The following EEFSEC variants were observed in gnomAD, a reference collection of about 807,000 sequenced individuals.
EEFSEC encodes selenocysteine-specific elongation factor.
EEFSEC carries 43 observed loss-of-function variants against 42.1 expected under a neutral mutation model. That is an observed-to-expected ratio of 1.02 (90% CI 0.80 to 1.32). EEFSEC has a LOEUF of 1.32. Among genes scored for constraint, EEFSEC ranks in the 40% most tolerant of loss-of-function variants. The probability of loss-of-function intolerance (pLI) is 0.00; values close to 1 mark genes in which losing one functional copy is unlikely to be tolerated. For synonymous variants in EEFSEC, 354 were observed against 339.1 expected (o/e 1.04, Z -0.48); for missense variants, 745 against 803.6 (o/e 0.93, Z 0.88).
the EEFSEC span, among the ~76,000 whole-genome samples, chr3:128,419,290 T>C: frequency 3.0e-3 from 463 of 152,346 alleles, 8 homozygotes; most frequent in African/African-American, 0.011. Context: ...AGTAGTGGTG[T>C]GGACACTGAA....
intron 1 of EEFSEC, among the ~76,000 whole-genome samples, chr3:128,238,449 G>A (rs919471286): frequency 1.1e-4 from 16 of 152,322 alleles, no homozygotes; most frequent in African/African-American, 3.4e-4. Flanking sequence ...TTGTCAGTTT[G>A]CAACCAGTGA....
At chr3:128,215,890 A>G (rs1183005652) in intron 1 of EEFSEC, among the ~76,000 whole-genome samples, 1 of 152,140 alleles carries the variant, frequency 6.6e-6, no homozygotes, top group Non-Finnish European at 1.5e-5. Flanking sequence ...AGCAAAAAGC[A>G]CAGGAGAGAC....
At chr3:128,323,334 C>T (rs1461575074) in intron 4 of EEFSEC, among the ~76,000 whole-genome samples, 3 of 152,164 alleles carry the variant, frequency 2.0e-5, no homozygotes, top group Non-Finnish European at 2.9e-5. Context: ...TTCTTGGAGC[C>T]GTTTTCTCCA....
chr3:128,339,294 T>C (rs1210227905), intron 4 of EEFSEC, among the ~76,000 whole-genome samples: 1 of 152,178 alleles, frequency 6.6e-6, no homozygotes, highest in African/African-American at 2.4e-5. Context: ...CCTGGGCTCA[T>C]GGGCCATTAG....
At chr3:128,362,334 T>C (rs1393058948) in intron 6 of EEFSEC, 1 of 469,482 alleles carries the variant, frequency 2.1e-6, no homozygotes, top group Non-Finnish European at 4.4e-6. Context: ...AGAAGAATCA[T>C]GTGAGAAGCT....
intron 4 of EEFSEC, among the ~76,000 whole-genome samples, chr3:128,313,784 A>C (rs922681673): frequency 1.2e-4 from 19 of 152,234 alleles, no homozygotes; most frequent in African/African-American, 4.3e-4. Context: ...GTTTACTTTG[A>C]AAAGGTAATA....
At chr3:128,305,200 A>G (rs915052173) in intron 4 of EEFSEC, among the ~76,000 whole-genome samples, 11 of 152,002 alleles carry the variant, frequency 7.2e-5, no homozygotes, top group Non-Finnish European at 1.2e-4. Flanking sequence ...TTGTCTTTTG[A>G]CCTTTTACTA....
At chr3:128,309,097 A>T (rs1428144341) in intron 4 of EEFSEC, among the ~76,000 whole-genome samples, 1 of 152,242 alleles carries the variant, frequency 6.6e-6, no homozygotes, top group Non-Finnish European at 1.5e-5. Flanking sequence ...AAGAGTGTGA[A>T]AGTGAAGGTT....
At chr3:128,365,566 C>T (rs1161131032) in intron 6 of EEFSEC, among the ~76,000 whole-genome samples, 5 of 151,872 alleles carry the variant, frequency 3.3e-5, no homozygotes, top group Admixed American at 1.3e-4. Flanking sequence ...GAATTGTGTG[C>T]TGTGTGCACC....
chr3:128,160,380 G>C lies in EEFSEC; in HGVS notation c.316+6557G>C, dbSNP rs976664560. 2.2e-4 allele frequency among the ~76,000 whole-genome samples: 33 copies of C among 152,218 alleles called. 1 individual carries two copies. The highest frequency in any genetic ancestry group is 4.6e-4 in the African/African-American group (19 of 41,456). On this transcript the variant is annotated intron_variant, in intron 1 of 6. Coordinates refer to ENST00000254730, the MANE Select transcript of EEFSEC (RefSeq NM_021937.5). ...CAGCATTTAGGCATGGCTGGAAATCGGCGTGGTGTGTGGGAGGTGTGCTAA... is the reference window on the plus strand; with the variant it reads ...CAGCATTTAGGCATGGCTGGAAATCCGCGTGGTGTGTGGGAGGTGTGCTAA...
intron 2 of EEFSEC, among the ~76,000 whole-genome samples, chr3:128,261,425 G>T (rs563341355): frequency 6.6e-6 from 1 of 152,182 alleles, no homozygotes; most frequent in South Asian, 2.1e-4. Context: ...AGCAGGATAT[G>T]AAATCGTATA....
chr3:128,276,626 C>A (rs1414927583), intron 4 of EEFSEC, among the ~76,000 whole-genome samples: 1 of 152,226 alleles, frequency 6.6e-6, no homozygotes, highest in Non-Finnish European at 1.5e-5. Flanking sequence ...TGAGCACCTA[C>A]TATGAGCCAG....
intron 1 of EEFSEC, among the ~76,000 whole-genome samples, chr3:128,171,976 A>G (rs1386322152): frequency 6.6e-6 from 1 of 152,220 alleles, no homozygotes; most frequent in African/African-American, 2.4e-5. Context: ...ATTTAAATAT[A>G]TGGGAGGATA....
chr3:128,326,362 C>T (rs2067063451), intron 4 of EEFSEC, among the ~76,000 whole-genome samples: 1 of 152,182 alleles, frequency 6.6e-6, no homozygotes, highest in South Asian at 2.1e-4. Context: ...TGAGAGACTC[C>T]CACCATCTCT....
intron 6 of EEFSEC, among the ~76,000 whole-genome samples, chr3:128,382,429 G>A (rs1017804376): frequency 1.3e-5 from 2 of 152,152 alleles, no homozygotes; most frequent in Admixed American, 6.5e-5. Flanking sequence ...ATGCAGGTGC[G>A]CCTACGTCTA....
chr3:128,406,488 A>G (rs966825214), intron 6 of EEFSEC, among the ~76,000 whole-genome samples: 12 of 152,230 alleles, frequency 7.9e-5, no homozygotes, highest in African/African-American at 2.9e-4. Flanking sequence ...GTAATATTCA[A>G]TGAAATTTGC....
intron 1 of EEFSEC, among the ~76,000 whole-genome samples, chr3:128,246,210 T>G (rs2066124825): frequency 7.0e-6 from 1 of 142,536 alleles, no homozygotes; most frequent in Admixed American, 7.4e-5. Flanking sequence ...TACAGTAGGA[T>G]GATGCTCACA....
intron 5 of EEFSEC, among the ~76,000 whole-genome samples, chr3:128,345,394 G>A (rs2107570838): frequency 6.6e-6 from 1 of 152,320 alleles, no homozygotes; most frequent in East Asian, 1.9e-4. Flanking sequence ...TGAAGAGGGA[G>A]GGGCTGAGAG....
intron 1 of EEFSEC, among the ~76,000 whole-genome samples, chr3:128,208,098 AG>A (rs2065718801): frequency 6.6e-6 from 1 of 152,304 alleles, no homozygotes; most frequent in South Asian, 2.1e-4. Flanking sequence ...CGGAAACTAC[AG>A]GAAGTTGGAT....
Sources: allele counts gnomAD v4.1 joint callset (sites outside exome capture counted in the v4.1 genomes callset), GRCh38; gene constraint gnomAD v4.1.1; transcripts MANE v1.5; gene names NCBI Gene and HGNC (gene_info 2026-07-23, HGNC 2026-07-21).